The following ZFPM2 variants were observed in gnomAD, a reference collection of about 807,000 sequenced individuals.
ZFPM2 encodes zinc finger protein ZFPM2.
In ZFPM2, 20 loss-of-function variants were observed where a neutral mutation model predicts 98.6. That is an observed-to-expected ratio of 0.20 (90% CI 0.14 to 0.29). The LOEUF (loss-of-function observed/expected upper bound fraction) is 0.29, where lower values mean the gene tolerates loss of function less well. Ranked by LOEUF, ZFPM2 falls within the 10% of genes least tolerant of loss-of-function variation. The pLI is 1.00. For missense variants in ZFPM2, 1,310 were observed against 1,388.6 expected, an observed-to-expected ratio of 0.94 and a Z score of 0.90; for synonymous variants, 518 against 502.7, an observed-to-expected ratio of 1.03 and a Z score of -0.41.
intron 5 of ZFPM2, among the ~76,000 whole-genome samples, chr8:105,767,412 G>T (rs1812878289): frequency 6.6e-6 from 1 of 151,894 alleles, no homozygotes; most frequent in African/African-American, 2.4e-5. Flanking sequence ...GAATATAGTA[G>T]ATGATTAAAA....
At chr8:105,588,173 A>G (rs1414126754) in intron 4 of ZFPM2, among the ~76,000 whole-genome samples, 1 of 152,188 alleles carries the variant, frequency 6.6e-6, no homozygotes, top group Non-Finnish European at 1.5e-5. Context: ...TATAAGCAAG[A>G]TAAGAATTGA....
At chr8:105,737,046 C>T (rs907581075) in intron 5 of ZFPM2, among the ~76,000 whole-genome samples, 3 of 151,896 alleles carry the variant, frequency 2.0e-5, no homozygotes, top group Non-Finnish European at 2.9e-5. Context: ...CATGATTTTG[C>T]ATATAATTTT....
intron 4 of ZFPM2, among the ~76,000 whole-genome samples, chr8:105,630,884 A>G (rs1816743498): frequency 6.6e-6 from 1 of 152,146 alleles, no homozygotes; most frequent in African/African-American, 2.4e-5. Flanking sequence ...GGAAAAACTC[A>G]TCCTAAATTG....
chr8:105,653,381 G>A (rs1286819858), intron 5 of ZFPM2, among the ~76,000 whole-genome samples: 1 of 152,140 alleles, frequency 6.6e-6, no homozygotes, highest in Non-Finnish European at 1.5e-5. Flanking sequence ...TTAACTTTTT[G>A]TAATATGTTC....
chr8:105,407,762 T>C (rs534619292), intron 1 of ZFPM2, among the ~76,000 whole-genome samples: 2 of 152,106 alleles, frequency 1.3e-5, no homozygotes, highest in Admixed American at 6.6e-5. Flanking sequence ...TTTACAACTT[T>C]TCCCCTTCAA....
At chr8:105,532,909 C>T (rs1814326553) in intron 3 of ZFPM2, among the ~76,000 whole-genome samples, 1 of 151,990 alleles carries the variant, frequency 6.6e-6, no homozygotes, top group Non-Finnish European at 1.5e-5. Context: ...GCTGAAAATC[C>T]CAACATTGGA....
At chr8:105,591,070 C>A (rs934678829) in intron 4 of ZFPM2, among the ~76,000 whole-genome samples, 2 of 152,054 alleles carry the variant, frequency 1.3e-5, no homozygotes, top group African/African-American at 4.8e-5. Flanking sequence ...AGACTTAACT[C>A]CACACTAAAG....
At chr8:105,351,670 A>G (rs1812649337) in intron 1 of ZFPM2, among the ~76,000 whole-genome samples, 1 of 152,158 alleles carries the variant, frequency 6.6e-6, no homozygotes, top group Non-Finnish European at 1.5e-5. Flanking sequence ...AATTTGGTTT[A>G]CAGATAATAT....
intron 1 of ZFPM2, among the ~76,000 whole-genome samples, chr8:105,322,247 G>C (rs1261239606): frequency 6.6e-6 from 1 of 152,092 alleles, no homozygotes; most frequent in Non-Finnish European, 1.5e-5. Context: ...TGGGGCTGCA[G>C]TGCAAAATTT....
At chr8:105,626,588 G>T (rs918556624) in intron 4 of ZFPM2, among the ~76,000 whole-genome samples, 1 of 151,988 alleles carries the variant, frequency 6.6e-6, no homozygotes, top group Non-Finnish European at 1.5e-5. Flanking sequence ...ATTCCTAAGG[G>T]CAAGGAAATG....
intron 3 of ZFPM2, among the ~76,000 whole-genome samples, chr8:105,450,698 G>A (rs1443804852): frequency 6.6e-6 from 1 of 152,030 alleles, no homozygotes; most frequent in Non-Finnish European, 1.5e-5. Flanking sequence ...AGAGAGGAAT[G>A]TGTGTGTATG....
intron 3 of ZFPM2, among the ~76,000 whole-genome samples, chr8:105,549,556 T>TTCCTTCCTTCCTTCCTTCCC (rs1814797959): frequency 7.7e-6 from 1 of 129,738 alleles, no homozygotes; most frequent in Non-Finnish European, 1.6e-5. Context: ...CCTTCCTTCC[T>TTCCTTCCTTCCTTCCTTCCC]TCCTTTCTTC....
intron 4 of ZFPM2, among the ~76,000 whole-genome samples, chr8:105,631,139 C>T (rs1340711012): frequency 1.3e-5 from 2 of 152,116 alleles, no homozygotes; most frequent in Admixed American, 6.5e-5. Context: ...AAGTACCTAA[C>T]AAAATCCTTG....
At position 105,479,474 on chromosome 8, in the gene ZFPM2, A is replaced by G. The variant is rs952178505; in HGVS notation, c.301+35093A>G. Among the ~76,000 whole-genome samples the G allele has an allele frequency of 2.1e-4, 32 of 152,166 alleles. 1 individual carries two copies. The highest frequency in any genetic ancestry group is 2.6e-4 in the Non-Finnish European group (18 of 68,032). ...TGTACACAGAAGGTAGTGGCTCAAA[A>G]TGTGCAAATTCTTCCAAAACATTTA... is the stretch of plus-strand genomic sequence containing the variant. On this transcript the variant is annotated intron_variant, in intron 3 of 7. Coordinates refer to ENST00000407775, the MANE Select transcript of ZFPM2 (RefSeq NM_012082.4).
At chr8:105,703,063 C>T (rs1052677472) in intron 5 of ZFPM2, among the ~76,000 whole-genome samples, 12 of 152,186 alleles carry the variant, frequency 7.9e-5, no homozygotes, top group East Asian at 1.9e-4. Flanking sequence ...TCCTGCCCCC[C>T]GCCCCGCGCC....
intron 5 of ZFPM2, among the ~76,000 whole-genome samples, chr8:105,695,896 G>A (rs78700178): frequency 0.042 from 6,444 of 152,178 alleles, 159 homozygotes; most frequent in Non-Finnish European, 0.046. Flanking sequence ...TTGTAAAGTA[G>A]ATGGAAATGA....
In ZFPM2 at chr8:105,568,534, CCATTT is replaced by C. The variant is rs565048428; in HGVS notation, c.420+7057_420+7061del. ...AGAGTCAAACATCTTCCAAGACTCT[CCATTT>C]CATGTCCAGAAACCAAGCATCATAA... is the stretch of plus-strand genomic sequence containing the variant. On this transcript the variant is annotated intron_variant, in intron 4 of 7. Coordinates refer to ENST00000407775, the MANE Select transcript of ZFPM2 (RefSeq NM_012082.4). Among the ~76,000 whole-genome samples, 326 of 152,274 alleles carry C rather than the reference CCATTT, an allele frequency of 2.1e-3. 4 individuals are homozygous for C. Among genetic ancestry groups the C allele is most frequent in the Non-Finnish European group, 6.0e-4 (41 of 68,016 alleles).
chr8:105,801,698 T>C lies in ZFPM2; in HGVS notation c.1616T>C (p.Ile539Thr). 2 of 1,613,834 alleles carry C rather than the reference T, an allele frequency of 1.2e-6. No individual in the cohort carries two copies. Among genetic ancestry groups the C allele is most frequent in the Non-Finnish European group, 1.7e-6 (2 of 1,179,878 alleles). ...RHGSSSYPPVIYSPLMPKGAT... is the reference protein window; with the variant it reads ...RHGSSSYPPVTYSPLMPKGAT... The stretch of plus-strand genomic sequence containing the variant: ...GGCAGTAGTAGCTACCCTCCCGTCA[T>C]TTACAGCCCTTTGATGCCCAAGGGG... Residue 539 changes from isoleucine to threonine, a missense_variant, in exon 8 of 8, where the codon ATT becomes ACT. Ile to Thr is a moderately conservative substitution (Grantham distance 89). Coordinates refer to ENST00000407775, the MANE Select transcript of ZFPM2 (RefSeq NM_012082.4).
intron 1 of ZFPM2, among the ~76,000 whole-genome samples, chr8:105,322,208 C>T (rs1160071421): frequency 6.6e-6 from 1 of 152,082 alleles, no homozygotes; most frequent in Non-Finnish European, 1.5e-5. Flanking sequence ...GCCAATATGC[C>T]AATAAATTGC....
Sources: gnomAD v4.1 joint callset for allele counts (sites outside exome capture counted in the v4.1 genomes callset) on GRCh38, gnomAD v4.1.1 for gene constraint, MANE v1.5 for transcripts, NCBI Gene and HGNC (gene_info 2026-07-23, HGNC 2026-07-21) for gene names.